CUL2: variants seen among roughly 807,000 people sequenced by gnomAD.
CUL2 encodes the protein cullin-2.
A neutral mutation model predicts 110.2 loss-of-function variants in CUL2; 22 were observed. The observed-to-expected ratio is 0.20, with a 90% CI of 0.14 to 0.28. CUL2 has a LOEUF of 0.28. Among genes scored for constraint, CUL2 ranks in the 10% least tolerant of loss-of-function variants. The pLI is 1.00. For synonymous variants in CUL2, 279 were observed against 293.2 expected (o/e 0.95, Z 0.49); for missense variants, 631 against 905.5 (o/e 0.70, Z 3.89).
chr10:35,073,775 TTTA>T (rs1241943204), intron 1 of CUL2, among the ~76,000 whole-genome samples: 1 of 152,064 alleles, frequency 6.6e-6, no homozygotes, highest in Non-Finnish European at 1.5e-5. Flanking sequence ...CGGCTAATTT[TTTA>T]TTTTTAGTAG....
At chr10:35,125,871 C>A (rs1020791044) in intron 1 of CUL2, among the ~76,000 whole-genome samples, 11 of 152,264 alleles carry the variant, frequency 7.2e-5, no homozygotes, top group Middle Eastern at 3.4e-3. Flanking sequence ...GCTCTGTCAC[C>A]CAGACTGGAG....
intron 6 of CUL2, among the ~76,000 whole-genome samples, chr10:35,046,703 C>A (rs890641175): frequency 6.6e-6 from 1 of 152,028 alleles, no homozygotes; most frequent in Non-Finnish European, 1.5e-5. Context: ...AGCAGCCTGG[C>A]CAACATGGTG....
At chr10:35,089,897 T>A (rs1477159990) in intron 1 of CUL2, 1 of 152,110 alleles carries the variant, frequency 6.6e-6, no homozygotes, top group African/African-American at 2.4e-5. Context: ...CACTCTCACC[T>A]TCCCTCCTTC....
chr10:35,106,958 T>TTTG lies in CUL2; in HGVS notation c.-50-5901_-50-5899dup, dbSNP rs549074255. 3.9e-3 allele frequency among the ~76,000 whole-genome samples: 591 copies of TTTG among 151,670 alleles called. 8 individuals are homozygous for TTTG. Among genetic ancestry groups the TTTG allele is most frequent in the African/African-American group, 0.014 (568 of 41,436 alleles). ...CTGCATTGCCCTTAACCTGTTTTTT[T>TTTG]TTGTTGTTTTTTTGTTTGTTTGTTT... On this transcript the variant is annotated intron_variant, in intron 1 of 5. Coordinates refer to the CUL2 transcript ENST00000685421.
At chr10:35,083,616 G>T (rs774764495) in intron 1 of CUL2, among the ~76,000 whole-genome samples, 6 of 152,198 alleles carry the variant, frequency 3.9e-5, no homozygotes, top group Non-Finnish European at 5.9e-5. Flanking sequence ...CCCACAAAGA[G>T]GGTGGGGGCA....
chr10:35,040,124 G>A (rs2085744271), intron 8 of CUL2, among the ~76,000 whole-genome samples: 1 of 152,118 alleles, frequency 6.6e-6, no homozygotes, highest in South Asian at 2.1e-4. Flanking sequence ...CTGCACTCTA[G>A]CCTAGGCAAT....
chr10:35,040,159 A>C (rs1055973984), intron 8 of CUL2, among the ~76,000 whole-genome samples: 3 of 152,206 alleles, frequency 2.0e-5, no homozygotes, highest in Non-Finnish European at 4.4e-5. Context: ...GTCTCAAAAA[A>C]TAAATATAAA....
At chr10:35,068,470 GTAGT>G (rs1464168574) in intron 2 of CUL2, among the ~76,000 whole-genome samples, 1 of 152,142 alleles carries the variant, frequency 6.6e-6, no homozygotes, top group Non-Finnish European at 1.5e-5. Flanking sequence ...AATCAAGATA[GTAGT>G]TAGCTCCTAG....
chr10:35,075,181 A>G (rs1436906883), intron 1 of CUL2, among the ~76,000 whole-genome samples: 1 of 152,224 alleles, frequency 6.6e-6, no homozygotes, highest in African/African-American at 2.4e-5. Context: ...GCCAACGTGC[A>G]AGAAGCACCA....
upstream of CUL2, among the ~76,000 whole-genome samples, chr10:35,091,648 T>C (rs2087206031): frequency 6.6e-6 from 1 of 152,040 alleles, no homozygotes; most frequent in African/African-American, 2.4e-5. Context: ...TACAGAGTCT[T>C]GCTCTGTCAC....
rs1198229717 is a variant in CUL2 at position 35,106,508 on chromosome 10, C to CT, written c.-50-5449dup. On this transcript the variant is annotated intron_variant, in intron 1 of 5. Transcript: ENST00000685421. ...CTAATTTTTTTTTTTCTTTTTTTTT[C>CT]TTTTTTTTAGAGATGAGGTTTCACC... Among the ~76,000 whole-genome samples, 19 of 146,540 alleles carry CT rather than the reference C, an allele frequency of 1.3e-4. No individual in the cohort carries two copies. The East Asian group carries it at 1.8e-3, about 14-fold the overall frequency.
chr10:35,104,363 T>C (rs2087426840), intron 1 of CUL2, among the ~76,000 whole-genome samples: 1 of 152,192 alleles, frequency 6.6e-6, no homozygotes, highest in Admixed American at 6.6e-5. Context: ...GGAGGATGGC[T>C]TGAGCCCAGG....
intron 1 of CUL2, among the ~76,000 whole-genome samples, chr10:35,119,592 A>ATTTC (rs1554874198): frequency 1.0e-4 from 15 of 149,762 alleles, no homozygotes; most frequent in Admixed American, 3.3e-4. Context: ...TTATTTATTT[A>ATTTC]TTTATTTATT....
At chr10:35,103,317 T>A (rs1258144837) in intron 1 of CUL2, among the ~76,000 whole-genome samples, 3 of 109,408 alleles carry the variant, frequency 2.7e-5, no homozygotes, top group African/African-American at 1.2e-4. Context: ...AATTTTTTTT[T>A]TTTTTTTTTT....
Position 35,069,007 on chromosome 10 carries a change from T to C in CUL2, c.119+2192A>G, listed in dbSNP as rs573563590. On this transcript the variant is annotated intron_variant, in intron 2 of 20. Transcript: ENST00000374749. ...CCTCAGCCTCCCAAGTAGCTGAGAT[T>C]CCAGGCACCCACAACCACGCCCAGC... Among the ~76,000 whole-genome samples, 4 of 152,198 alleles carry C rather than the reference T, an allele frequency of 2.6e-5. No homozygotes were observed. In the South Asian group the frequency reaches 8.3e-4, roughly 32 times the overall value.
intron 17 of CUL2, among the ~76,000 whole-genome samples, chr10:35,022,903 G>C (rs1322718537): frequency 1.3e-5 from 2 of 152,112 alleles, no homozygotes; most frequent in Non-Finnish European, 2.9e-5. Context: ...AAATTAGCTG[G>C]GAGTGGTAGT....
chr10:35,105,889 A>C (rs1289266041), intron 1 of CUL2, among the ~76,000 whole-genome samples: 2 of 152,058 alleles, frequency 1.3e-5, no homozygotes, highest in African/African-American at 4.8e-5. Flanking sequence ...ACAGCAAATG[A>C]CATATTGGTA....
intron 19 of CUL2, 104 bp downstream of exon 19, chr10:35,013,595 A>G (rs2084956293): frequency 1.5e-6 from 1 of 685,396 alleles, no homozygotes; most frequent in Admixed American, 3.5e-5. Flanking sequence ...TCCCATTATT[A>G]ATTTTGCTGT....
chr10:35,062,108 A>G (rs897819120), intron 3 of CUL2, among the ~76,000 whole-genome samples: 3 of 152,072 alleles, frequency 2.0e-5, no homozygotes, highest in Non-Finnish European at 4.4e-5. Context: ...AAATTATCTC[A>G]TCCAGTTCCT....
Sources: gnomAD v4.1 joint callset for allele counts (sites outside exome capture counted in the v4.1 genomes callset) on GRCh38, gnomAD v4.1.1 for gene constraint, MANE v1.5 for transcripts, NCBI Gene and HGNC (gene_info 2026-07-23, HGNC 2026-07-21) for gene names.